The following PCMTD1 variants were observed in gnomAD, a reference collection of about 807,000 sequenced individuals.
PCMTD1 encodes protein-L-isoaspartate (D-aspartate) O-methyltransferase domain containing 1.
A neutral mutation model predicts 37.6 loss-of-function variants in PCMTD1; 12 were observed. The ratio of observed to expected loss-of-function variants is 0.32; its 90% CI spans 0.20 to 0.52. The LOEUF is 0.52. Ranked by LOEUF, PCMTD1 falls within the 20% of genes least tolerant of loss-of-function variation. The pLI is 0.97. For synonymous variants in PCMTD1, 117 were observed against 135.8 expected, an observed-to-expected ratio of 0.86 and a Z score of 0.96; for missense variants, 235 against 421.3, an observed-to-expected ratio of 0.56 and a Z score of 3.87.
intron 2 of PCMTD1, among the ~76,000 whole-genome samples, chr8:51,853,017 C>G (rs1563347241): frequency 6.6e-6 from 1 of 152,176 alleles, no homozygotes; most frequent in Non-Finnish European, 1.5e-5. Context: ...GTGTCCAGAG[C>G]TCAGCTGCCG....
intron 2 of PCMTD1, among the ~76,000 whole-genome samples, chr8:51,847,487 T>A (rs1032385180): frequency 6.6e-6 from 1 of 151,772 alleles, no homozygotes; most frequent in Non-Finnish European, 1.5e-5. Context: ...ATTAGTCAGG[T>A]GTGGTGGTGC....
intron 1 of PCMTD1, among the ~76,000 whole-genome samples, chr8:51,876,950 C>T (rs574862192): frequency 2.6e-5 from 4 of 152,096 alleles, no homozygotes; most frequent in Non-Finnish European, 5.9e-5. Context: ...TCTGCGTAAT[C>T]TCAAAGTATC....
chr8:51,836,931 G>T (rs1041591875), intron 3 of PCMTD1, among the ~76,000 whole-genome samples: 6 of 152,274 alleles, frequency 3.9e-5, no homozygotes, highest in Middle Eastern at 3.4e-3. Context: ...ACTGGTTACT[G>T]TAATAACTGG....
intron 2 of PCMTD1, among the ~76,000 whole-genome samples, chr8:51,855,270 G>GT (rs1363330422): frequency 2.0e-5 from 3 of 147,824 alleles, no homozygotes; most frequent in Non-Finnish European, 3.0e-5. Flanking sequence ...GCTCACACCT[G>GT]TAATCCCAGC....
rs937908631 is a variant in PCMTD1 at position 51,841,503 on chromosome 8, C to A, written c.410+4158G>T. 1.7e-4 allele frequency among the ~76,000 whole-genome samples: 26 copies of A among 152,146 alleles called. 1 individual carries two copies. Among genetic ancestry groups the A allele is most frequent in the Admixed American group, 1.6e-3 (24 of 15,256 alleles). On this transcript the variant is annotated intron_variant, in intron 3 of 5. Coordinates refer to ENST00000522514, the MANE Select transcript of PCMTD1 (RefSeq NM_052937.4). ...TAATTAATGCTTTACGAGAAAATGGCCCTCTCCAAAGCATGCATTCCAGGG... is the reference window on the plus strand; with the variant it reads ...TAATTAATGCTTTACGAGAAAATGGACCTCTCCAAAGCATGCATTCCAGGG...
intron 1 of PCMTD1, among the ~76,000 whole-genome samples, chr8:51,868,451 GA>G (rs1397811616): frequency 6.6e-6 from 1 of 152,132 alleles, no homozygotes; most frequent in Non-Finnish European, 1.5e-5. Flanking sequence ...GGCTGGGGGT[GA>G]AAACAGGTGA....
chr8:51,830,825 G>A (rs1489046783), intron 5 of PCMTD1, among the ~76,000 whole-genome samples: 1 of 152,190 alleles, frequency 6.6e-6, no homozygotes, highest in East Asian at 1.9e-4. Flanking sequence ...TTGGCAGAAA[G>A]TTCTTCCTTA....
chr8:51,890,827 T>C lies in PCMTD1; in HGVS notation c.-96+8103A>G, dbSNP rs1363817510. On this transcript the variant is annotated intron_variant, in intron 1 of 5. Coordinates refer to ENST00000522514, the MANE Select transcript of PCMTD1 (RefSeq NM_052937.4). ...TTAAAACACCACTTCCTAGCACAGA[T>C]GCATCCAGGTCAGAGAAAATGCAAG... 2.6e-5 allele frequency among the ~76,000 whole-genome samples: 4 copies of C among 152,320 alleles called. No homozygotes were observed. The East Asian group carries it at 5.8e-4, about 22-fold the overall frequency.
At chr8:51,862,425 T>A (rs2038486984) in intron 1 of PCMTD1, among the ~76,000 whole-genome samples, 1 of 152,116 alleles carries the variant, frequency 6.6e-6, no homozygotes, top group Admixed American at 6.5e-5. Flanking sequence ...AGCATCAGAA[T>A]GCAAATGTAA....
chr8:51,828,722 G>A (rs554980680), intron 5 of PCMTD1, among the ~76,000 whole-genome samples: 48 of 152,176 alleles, frequency 3.2e-4, no homozygotes, highest in Non-Finnish European at 5.3e-4. Flanking sequence ...AGGAGCATCT[G>A]TAGTCTACTA....
rs539777176 is a variant in PCMTD1, at chr8:51,897,047, C to T, written c.-96+1883G>A. ...ATGTCATGGATTTTTTTATTCCTTT[C>T]GAGCACAGTTTCCAAATCATAAAAT... On this transcript the variant is annotated intron_variant, in intron 1 of 5. Coordinates refer to ENST00000522514, the MANE Select transcript of PCMTD1 (RefSeq NM_052937.4). Among the ~76,000 whole-genome samples the T allele has an allele frequency of 1.6e-4, 25 of 152,210 alleles. No homozygotes were observed. In the South Asian group the frequency reaches 5.0e-3, roughly 30 times the overall value.
rs967694925 is a variant in PCMTD1 at position 51,868,410 on chromosome 8, C to T, written c.-95-7164G>A. On this transcript the variant is annotated intron_variant, in intron 1 of 5. Transcript: ENST00000522514. ...GTACATTAAATACCCTACAAAATGGCTATATGTGTTAAGTTCCTTCTGGAA... is the reference window on the plus strand; with the variant it reads ...GTACATTAAATACCCTACAAAATGGTTATATGTGTTAAGTTCCTTCTGGAA... 4.6e-5 allele frequency among the ~76,000 whole-genome samples: 7 copies of T among 152,142 alleles called. No homozygotes were observed. In the South Asian group the frequency reaches 1.0e-3, roughly 23 times the overall value.
intron 3 of PCMTD1, among the ~76,000 whole-genome samples, chr8:51,834,887 G>A (rs1563338949): frequency 6.6e-6 from 1 of 152,142 alleles, no homozygotes; most frequent in East Asian, 1.9e-4. Context: ...GGTCAAGGGT[G>A]TCCCTGTACT....
At chr8:51,895,069 G>A (rs2038981462) in intron 1 of PCMTD1, among the ~76,000 whole-genome samples, 2 of 152,150 alleles carry the variant, frequency 1.3e-5, no homozygotes, top group South Asian at 4.1e-4. Context: ...AGGGTGAGGG[G>A]AATGAGCAGT....
Position 51,820,676 on chromosome 8 carries a change from T to C in PCMTD1, c.749A>G (p.Tyr250Cys). 6.2e-7 allele frequency: 1 copy of C among 1,613,560 alleles called. No individual in the cohort carries two copies. The highest frequency in any genetic ancestry group is 8.5e-7 in the Non-Finnish European group (1 of 1,179,790). Reference sequence around the variant, plus strand: ...GAAATTTCTAAGTGTGCGTCGAATGTAAATACGAGCCAAGTCCTGTAGATT... The same window carrying C: ...GAAATTTCTAAGTGTGCGTCGAATGCAAATACGAGCCAAGTCCTGTAGATT... Reference protein sequence around the residue: ...VRNLQDLARIYIRRTLRNFIN... With the variant: ...VRNLQDLARICIRRTLRNFIN... The change falls in exon 6 of 6, where the codon TAC (tyrosine) becomes TGC (cysteine). Residue 250 changes from tyrosine to cysteine, a missense_variant. Tyr to Cys is a radical substitution (Grantham distance 194, BLOSUM62 -2). Coordinates refer to ENST00000522514, the MANE Select transcript of PCMTD1 (RefSeq NM_052937.4).
chr8:51,875,117 C>T (rs1171040913), intron 1 of PCMTD1, among the ~76,000 whole-genome samples: 1 of 152,124 alleles, frequency 6.6e-6, no homozygotes, highest in East Asian at 1.9e-4. Flanking sequence ...ACTAAGTAAA[C>T]ATAATGCTTC....
Position 51,845,763 on chromosome 8 carries a change from C to A in PCMTD1, c.308G>T (p.Gly103Val). 1 of 1,608,280 alleles carries A rather than the reference C, an allele frequency of 6.2e-7. No individual in the cohort carries two copies. Among genetic ancestry groups the A allele is most frequent in the Non-Finnish European group, 8.5e-7 (1 of 1,175,940 alleles). Residue 103 changes from glycine (G) to valine (V), a missense_variant and splice_region_variant, in exon 3 of 6, where the codon GGT becomes GTT. This residue lies in a region of PCMTD1 where 183 missense variants were observed against 349.3 expected (regional missense o/e 0.52). Transcript: ENST00000522514. ...YLSTMVGLIL[G>V]PFGINHGIEL... Reference sequence around the variant, plus strand: ...AATCCCATGATTTATTCCAAAAGGACCTGCAATCGTAGCAGCATTTTTATA... The same window carrying A: ...AATCCCATGATTTATTCCAAAAGGAACTGCAATCGTAGCAGCATTTTTATA...
At position 51,875,859 on chromosome 8, in the gene PCMTD1, G is replaced by C. The variant is rs149978979; in HGVS notation, c.-95-14613C>G. Reference sequence around the variant, plus strand: ...AGACAGAAGGATCACTTGTGCCCAGGAGTTCAAGGCTGCAGTGAGCTATGA... The same window carrying C: ...AGACAGAAGGATCACTTGTGCCCAGCAGTTCAAGGCTGCAGTGAGCTATGA... On this transcript the variant is annotated intron_variant, in intron 1 of 5. Transcript: ENST00000522514. Among the ~76,000 whole-genome samples, 439 of 152,320 alleles carry C rather than the reference G, an allele frequency of 2.9e-3. 4 individuals carry two copies. Among genetic ancestry groups the C allele is most frequent in the Non-Finnish European group, 4.6e-3 (313 of 68,032 alleles).
intron 5 of PCMTD1, 69 bp from the exon 6 acceptor site, chr8:51,820,787 T>TC: frequency 2.1e-6 from 3 of 1,405,582 alleles, no homozygotes; most frequent in Non-Finnish European, 2.8e-6. Context: ...TTTATTTTTT[T>TC]CATAGAACAA....
Sources: gnomAD v4.1 joint callset for allele counts (sites outside exome capture counted in the v4.1 genomes callset) on GRCh38, gnomAD v4.1.1 for gene constraint, gnomAD v4.1.1 regional missense constraint, MANE v1.5 for transcripts, NCBI Gene and HGNC (gene_info 2026-07-23, HGNC 2026-07-21) for gene names.